Variants in LEKR1 observed in about 807,000 individuals in gnomAD.
LEKR1 encodes protein LEKR1.
LEKR1 carries 59 observed loss-of-function variants against 72.4 expected under a neutral mutation model. The observed-to-expected ratio is 0.82, with a 90% confidence interval of 0.66 to 1.01. LEKR1 has a LOEUF of 1.01. LEKR1 is among the 50% of genes least tolerant of loss of function. LEKR1 has a pLI of 0.00. For synonymous variants in LEKR1, 257 were observed against 263.2 expected (o/e 0.98, Z 0.23); for missense variants, 728 against 759.2 (o/e 0.96, Z 0.48).
intron 3 of LEKR1, among the ~76,000 whole-genome samples, chr3:156,862,273 A>T (rs938347920): frequency 4.6e-5 from 7 of 151,812 alleles, no homozygotes; most frequent in African/African-American, 1.5e-4. Context: ...GCCACTTATT[A>T]TTTTTTCTAT....
chr3:156,968,714 G>C (rs150151655), intron 6 of LEKR1, among the ~76,000 whole-genome samples: 2,450 of 152,224 alleles, frequency 0.016, 54 homozygotes, highest in African/African-American at 0.057. Context: ...ACAGATCAAT[G>C]AGACAGAAAG....
intron 2 of LEKR1, among the ~76,000 whole-genome samples, chr3:156,835,785 ATTCCTTCCTCCCTTCC>A (rs994940712): frequency 6.9e-6 from 1 of 144,640 alleles, no homozygotes; most frequent in Non-Finnish European, 1.5e-5. Context: ...TCATAAAGCG[ATTCCTTCCTCCCTTCC>A]TTCCTTCCTT....
chr3:156,965,838 T>C (rs1490734230), intron 6 of LEKR1, among the ~76,000 whole-genome samples: 1 of 152,248 alleles, frequency 6.6e-6, no homozygotes, highest in East Asian at 1.9e-4. Context: ...TAAGTACTTA[T>C]TAAAGAATTA....
Position 156,879,229 on chromosome 3 carries a change from A to G in LEKR1, c.263+26247A>G, listed in dbSNP as rs543574823. Among the ~76,000 whole-genome samples the G allele has an allele frequency of 2.6e-5, 4 of 152,316 alleles. No individual in the cohort carries two copies. The South Asian group carries it at 6.2e-4, about 24-fold the overall frequency. On this transcript the variant is annotated intron_variant, in intron 3 of 12. Coordinates refer to ENST00000356539, the MANE Select transcript of LEKR1 (RefSeq NM_001004316.3). ...CTTTGACCAAAATCCTGATAATGATATGGACAATGAAATCCAGGTTGAGGT... is the reference window on the plus strand; with the variant it reads ...CTTTGACCAAAATCCTGATAATGATGTGGACAATGAAATCCAGGTTGAGGT...
chr3:156,838,172 CAACAGGTGATCTTTAAGCA>C (rs1286393653), intron 2 of LEKR1, among the ~76,000 whole-genome samples: 1 of 152,154 alleles, frequency 6.6e-6, no homozygotes. Flanking sequence ...CCAGGAGTTT[CAACAGGTGATCTTTAAGCA>C]ACATGGAAGA....
rs1253774372 is a variant in LEKR1, at chr3:156,965,231, A to G, written c.746-13963A>G. ...TCATGGTAAACACACATATACACAC[A>G]CACAAACTAGAATTTAAAAATTCCT... On this transcript the variant is annotated intron_variant, in intron 6 of 12. Transcript: ENST00000356539. Among the ~76,000 whole-genome samples the G allele has an allele frequency of 2.0e-5, 3 of 152,138 alleles. No individual in the cohort carries two copies. The East Asian group carries it at 5.8e-4, about 29-fold the overall frequency.
chr3:156,975,678 C>G lies in LEKR1; in HGVS notation c.746-3516C>G, dbSNP rs116828146. Among the ~76,000 whole-genome samples the G allele has an allele frequency of 4.5e-3, 678 of 152,284 alleles. 2 individuals carry two copies. Among genetic ancestry groups the G allele is most frequent in the African/African-American group, 0.016 (654 of 41,562 alleles). ...TGCCTGTGTAATGCTATCCAGCAAA[C>G]AGCTGGCTTCATATGAAGAGAGGTT... is the stretch of plus-strand genomic sequence containing the variant. On this transcript the variant is annotated intron_variant, in intron 6 of 12. Coordinates refer to ENST00000356539, the MANE Select transcript of LEKR1 (RefSeq NM_001004316.3).
rs1290162229 is a variant in LEKR1, at chr3:156,991,692, C to T, written c.828-961C>T. Among the ~76,000 whole-genome samples, 3 of 152,052 alleles carry T rather than the reference C, an allele frequency of 2.0e-5. No homozygotes were observed. The East Asian group carries it at 5.8e-4, about 29-fold the overall frequency. On this transcript the variant is annotated intron_variant, in intron 7 of 12. Coordinates refer to ENST00000356539, the MANE Select transcript of LEKR1 (RefSeq NM_001004316.3). ...TGGTTCTTTTTAATGGTTTTTATTTCCCTGCTGAGATTTCTCATCTTTTTA... is the reference window on the plus strand; with the variant it reads ...TGGTTCTTTTTAATGGTTTTTATTTTCCTGCTGAGATTTCTCATCTTTTTA...
intron 6 of LEKR1, among the ~76,000 whole-genome samples, chr3:156,976,679 T>C (rs1729723121): frequency 6.6e-6 from 1 of 152,192 alleles, no homozygotes; most frequent in African/African-American, 2.4e-5. Context: ...TAGCCACACT[T>C]ACCACACTCT....
At chr3:156,846,162 T>TGCA in intron 2 of LEKR1, among the ~76,000 whole-genome samples, 1 of 152,324 alleles carries the variant, frequency 6.6e-6, no homozygotes, top group Non-Finnish European at 1.5e-5. Flanking sequence ...TTGATTGTTC[T>TGCA]GTTTGTATCT....
intron 10 of LEKR1, among the ~76,000 whole-genome samples, chr3:157,012,233 A>G (rs548259418): frequency 4.6e-4 from 70 of 152,168 alleles, no homozygotes; most frequent in African/African-American, 1.6e-3. Flanking sequence ...TATTCTACAC[A>G]CTGACCCAAA....
intron 5 of LEKR1, among the ~76,000 whole-genome samples, chr3:156,930,093 T>C (rs1206555626): frequency 1.3e-5 from 2 of 152,148 alleles, no homozygotes; most frequent in Non-Finnish European, 2.9e-5. Context: ...GCACTGAATG[T>C]TCAGATGCAT....
At chr3:156,968,718 C>G (rs538396430) in intron 6 of LEKR1, among the ~76,000 whole-genome samples, 1 of 152,246 alleles carries the variant, frequency 6.6e-6, no homozygotes, top group Admixed American at 6.5e-5. Flanking sequence ...ATCAATGAGA[C>G]AGAAAGTTAA....
intron 2 of LEKR1, among the ~76,000 whole-genome samples, chr3:156,849,805 C>G (rs1324095887): frequency 2.0e-5 from 3 of 152,106 alleles, no homozygotes; most frequent in African/African-American, 7.2e-5. Context: ...CATAAAAACC[C>G]TAGAAGAAAA....
intron 6 of LEKR1, among the ~76,000 whole-genome samples, chr3:156,958,470 G>A (rs1277442488): frequency 1.3e-5 from 2 of 151,976 alleles, no homozygotes; most frequent in South Asian, 2.1e-4. Context: ...GGTCCATGAG[G>A]GACTTTCCTG....
Position 156,881,911 on chromosome 3 carries a change from T to C in LEKR1, c.263+28929T>C, listed in dbSNP as rs1358046363. ...AACAAGCAATGGGGAAAGGATTCCC[T>C]ATTTAATAAATGGTGCTGAGAAAAC... On this transcript the variant is annotated intron_variant, in intron 3 of 12. Coordinates refer to ENST00000356539, the MANE Select transcript of LEKR1 (RefSeq NM_001004316.3). Among the ~76,000 whole-genome samples, 902 of 149,366 alleles carry C rather than the reference T, an allele frequency of 6.0e-3. 7 individuals carry two copies. The highest frequency in any genetic ancestry group is 0.021 in the African/African-American group (862 of 40,344).
At chr3:156,863,181 C>G (rs1235710338) in intron 3 of LEKR1, among the ~76,000 whole-genome samples, 1 of 151,906 alleles carries the variant, frequency 6.6e-6, no homozygotes, top group Non-Finnish European at 1.5e-5. Flanking sequence ...GAAGAAATCC[C>G]CAGGAAGTCT....
rs143535282 is a variant in LEKR1 at position 157,043,319 on chromosome 3, C to T, written c.1669-2021C>T. Among the ~76,000 whole-genome samples, 11 of 152,270 alleles carry T rather than the reference C, an allele frequency of 7.2e-5. No homozygotes were observed. In the East Asian group the frequency reaches 2.1e-3, roughly 29 times the overall value. ...GGACTAATACACCACTTTAATAACT[C>T]CAACACGTTGCCAGCTTACTCTACT... is the stretch of plus-strand genomic sequence containing the variant. On this transcript the variant is annotated intron_variant, in intron 12 of 12. Coordinates refer to ENST00000356539, the MANE Select transcript of LEKR1 (RefSeq NM_001004316.3).
intron 6 of LEKR1, among the ~76,000 whole-genome samples, chr3:156,978,002 C>T (rs889836117): frequency 1.3e-5 from 2 of 152,272 alleles, no homozygotes; most frequent in South Asian, 4.1e-4. Context: ...CTCTCTAATC[C>T]TCCCTCTCCT....
Sources: gnomAD v4.1 joint callset for allele counts (sites outside exome capture counted in the v4.1 genomes callset) on GRCh38, gnomAD v4.1.1 for gene constraint, MANE v1.5 for transcripts, NCBI Gene and HGNC (gene_info 2026-07-23, HGNC 2026-07-21) for gene names.